NTSR1: variants seen among roughly 807,000 people sequenced by gnomAD.
NTSR1 encodes the protein neurotensin receptor 1, also known as neurotensin receptor type 1.
In NTSR1, 29 loss-of-function variants were observed where a neutral mutation model predicts 31.2. The ratio of observed to expected loss-of-function variants is 0.93; its 90% CI spans 0.69 to 1.27. The LOEUF (loss-of-function observed/expected upper bound fraction) is 1.27, where lower values mean the gene tolerates loss of function less well. Among genes scored for constraint, NTSR1 ranks in the 50% most tolerant of loss-of-function variants. NTSR1 has a pLI of 0.00. For synonymous variants in NTSR1, 282 were observed against 269.9 expected, an observed-to-expected ratio of 1.04 and a Z score of -0.44; for missense variants, 697 against 595.4, an observed-to-expected ratio of 1.17 and a Z score of -1.78.
intron 1 of NTSR1, among the ~76,000 whole-genome samples, chr20:62,728,747 G>C (rs1005802234): frequency 6.6e-6 from 1 of 152,180 alleles, no homozygotes; most frequent in African/African-American, 2.4e-5. Context: ...TTTCACGGCA[G>C]CCACTTCTGC....
chr20:62,727,072 G>A (rs866803177), intron 1 of NTSR1, among the ~76,000 whole-genome samples: 1 of 152,314 alleles, frequency 6.6e-6, no homozygotes, highest in Middle Eastern at 3.4e-3. Context: ...GTTTTCATTG[G>A]TTCCAAGGCT....
intron 1 of NTSR1, among the ~76,000 whole-genome samples, chr20:62,752,750 T>A (rs1020592489): frequency 2.0e-5 from 3 of 152,178 alleles, no homozygotes; most frequent in African/African-American, 7.2e-5. Flanking sequence ...GGAATGGGTT[T>A]ATCTCCTGAG....
At chr20:62,726,722 C>T (rs1988913241) in intron 1 of NTSR1, among the ~76,000 whole-genome samples, 1 of 149,200 alleles carries the variant, frequency 6.7e-6, no homozygotes, top group Admixed American at 6.7e-5. Flanking sequence ...GTGGGAATGG[C>T]TTCACAACTG....
chr20:62,731,151 C>A (rs995141802), intron 1 of NTSR1, among the ~76,000 whole-genome samples: 9 of 152,120 alleles, frequency 5.9e-5, no homozygotes, highest in African/African-American at 2.2e-4. Context: ...ATGGCACAAT[C>A]TCGGCTCACC....
rs117113833 is a variant in NTSR1, at chr20:62,748,584, C to T, written c.715-6101C>T. On this transcript the variant is annotated intron_variant, in intron 1 of 3. Coordinates refer to ENST00000370501, the MANE Select transcript of NTSR1 (RefSeq NM_002531.3). ...ATGGTACTAGTACCACATAGACCCA[C>T]GGAACAGAACAGAGAGCCCAGCAAT... is the stretch of plus-strand genomic sequence containing the variant. Among the ~76,000 whole-genome samples, 573 of 152,206 alleles carry T rather than the reference C, an allele frequency of 3.8e-3. 1 individual carries two copies. The highest frequency in any genetic ancestry group is 6.2e-3 in the Non-Finnish European group (425 of 68,010).
At chr20:62,752,785 C>T (rs1337038406) in intron 1 of NTSR1, among the ~76,000 whole-genome samples, 1 of 152,160 alleles carries the variant, frequency 6.6e-6, no homozygotes, top group African/African-American at 2.4e-5. Flanking sequence ...CCCCTGTCCC[C>T]GCTCCCAGCA....
chr20:62,709,635 G>A lies in NTSR1; in HGVS notation c.428G>A (p.Gly143Asp), dbSNP rs1180753379. Residue 143 changes from glycine (G) to aspartate (D), a missense_variant, in exon 1 of 4, where the codon GGC becomes GAC. By Grantham distance (94) the Gly-to-Asp change is moderately conservative (BLOSUM62 -1). Transcript: ENST00000370501. Reference protein sequence around the residue: ...PWAFGDAGCRGYYFLRDACTY... With the variant: ...PWAFGDAGCRDYYFLRDACTY... ...GCCTTCGGCGACGCCGGCTGCCGCG[G>A]CTACTACTTCCTGCGCGACGCCTGC... 2 of 1,612,322 alleles carry A rather than the reference G, an allele frequency of 1.2e-6. No individual in the cohort carries two copies. The highest frequency in any genetic ancestry group is 1.7e-6 in the Non-Finnish European group (2 of 1,179,926).
intron 1 of NTSR1, among the ~76,000 whole-genome samples, chr20:62,750,007 G>A (rs935981892): frequency 3.9e-5 from 6 of 152,190 alleles, no homozygotes; most frequent in African/African-American, 7.2e-5. Flanking sequence ...GCCCCTGTCC[G>A]CTGCGGCACT....
intron 1 of NTSR1, 94 bp from the exon 2 acceptor site, chr20:62,754,590 AG>A: frequency 1.0e-6 from 1 of 991,502 alleles, no homozygotes; most frequent in Non-Finnish European, 1.6e-6. Flanking sequence ...CACACTGAGC[AG>A]GCCTGACACC....
chr20:62,754,346 G>A (rs1989442442), intron 1 of NTSR1, among the ~76,000 whole-genome samples: 2 of 152,232 alleles, frequency 1.3e-5, no homozygotes, highest in Non-Finnish European at 2.9e-5. Flanking sequence ...GGAACCTAGA[G>A]CCTAGGGCCT....
At chr20:62,757,897 T>A (rs1989538523) in intron 2 of NTSR1, among the ~76,000 whole-genome samples, 1 of 151,890 alleles carries the variant, frequency 6.6e-6, no homozygotes, top group Non-Finnish European at 1.5e-5. Context: ...GTGTCTGGTC[T>A]CTGAGCCCAT....
At chr20:62,723,213 T>C (rs1988851425) in intron 1 of NTSR1, among the ~76,000 whole-genome samples, 1 of 152,252 alleles carries the variant, frequency 6.6e-6, no homozygotes, top group Non-Finnish European at 1.5e-5. Context: ...TTCCAGGCTC[T>C]CAGCATTCAG....
At chr20:62,728,094 A>G (rs1487018917) in intron 1 of NTSR1, among the ~76,000 whole-genome samples, 1 of 117,308 alleles carries the variant, frequency 8.5e-6, no homozygotes, top group Admixed American at 8.4e-5. Context: ...CCTTATGACC[A>G]CAAGGACGAG....
Position 62,733,846 on chromosome 20 carries a change from G to A in NTSR1, c.715-20839G>A, listed in dbSNP as rs1433690982. ...TGCCTGGGGTCTCAGCTGAGAGAGG[G>A]AAGGCTCTGTGCTGGGGAAGAGGCC... On this transcript the variant is annotated intron_variant, in intron 1 of 3. Coordinates refer to ENST00000370501, the MANE Select transcript of NTSR1 (RefSeq NM_002531.3). This position sits in a 1 kb window ranked among gnomAD's most constrained non-coding sequence, Gnocchi z 5.2. Among the ~76,000 whole-genome samples, 2 of 152,174 alleles carry A rather than the reference G, an allele frequency of 1.3e-5. No homozygotes were observed. The highest frequency in any genetic ancestry group is 4.8e-5 in the African/African-American group (2 of 41,438).
chr20:62,727,897 G>C (rs1453886662), intron 1 of NTSR1, among the ~76,000 whole-genome samples: 1 of 152,240 alleles, frequency 6.6e-6, no homozygotes, highest in Non-Finnish European at 1.5e-5. Context: ...CTGTGTTCCC[G>C]GCGCTCCCGG....
Position 62,751,573 on chromosome 20 carries a change from G to A in NTSR1, c.715-3112G>A, listed in dbSNP as rs970671989. ...GTAGGAAAACGGCACTGACGGCCAC[G>A]GATGCATTTCCTGCTCAGTGAGCCC... On this transcript the variant is annotated intron_variant, in intron 1 of 3. Coordinates refer to ENST00000370501, the MANE Select transcript of NTSR1 (RefSeq NM_002531.3). Among the ~76,000 whole-genome samples, 18 of 152,370 alleles carry A rather than the reference G, an allele frequency of 1.2e-4. No individual in the cohort carries two copies. The East Asian group carries it at 1.5e-3, about 13-fold the overall frequency.
chr20:62,760,237 C>T lies in NTSR1; in HGVS notation c.1227C>T (p.Ser409=). The part of the protein sequence containing the change: ...ADSVSSNHTL[S]SNATRETLY The stretch of plus-strand genomic sequence containing the variant: ...GCGTGTCCAGCAACCACACCCTCTC[C>T]AGCAATGCCACCCGCGAGACGCTGT... The change falls in exon 4 of 4, where the codon TCC becomes TCT. Residue 409 remains serine, a synonymous_variant. Transcript: ENST00000370501. 6.2e-7 allele frequency: 1 copy of T among 1,613,120 alleles called. No homozygotes were observed. Among genetic ancestry groups the T allele is most frequent in the Non-Finnish European group, 8.5e-7 (1 of 1,179,778 alleles).
chr20:62,727,632 C>T (rs530995718), intron 1 of NTSR1, among the ~76,000 whole-genome samples: 9 of 152,330 alleles, frequency 5.9e-5, no homozygotes, highest in African/African-American at 1.9e-4. Context: ...GGTGGCTGGA[C>T]GTGGATTTCC....
intron 1 of NTSR1, among the ~76,000 whole-genome samples, chr20:62,753,340 G>A (rs1022503271): frequency 3.3e-5 from 5 of 152,220 alleles, no homozygotes; most frequent in Non-Finnish European, 7.3e-5. Context: ...GACACGGCGA[G>A]GATTGTCCTC....
Sources: gnomAD v4.1 joint callset for allele counts (sites outside exome capture counted in the v4.1 genomes callset) on GRCh38, gnomAD v4.1.1 for gene constraint, Gnocchi (gnomAD v3.1) non-coding constraint, MANE v1.5 for transcripts, NCBI Gene and HGNC (gene_info 2026-07-23, HGNC 2026-07-21) for gene names.